CHCHD3: variants seen among roughly 807,000 people sequenced by gnomAD.
CHCHD3 encodes the protein MICOS complex subunit MIC19.
CHCHD3 carries 20 observed loss-of-function variants against 38.2 expected under a neutral mutation model. The ratio of observed to expected loss-of-function variants is 0.52; its 90% CI spans 0.37 to 0.76. CHCHD3 has a LOEUF of 0.76. Among genes scored for constraint, CHCHD3 ranks in the 30% least tolerant of loss-of-function variants. The pLI, the probability that CHCHD3 is intolerant of heterozygous loss-of-function variation, is 0.00. For synonymous variants in CHCHD3, 82 were observed against 100.0 expected (o/e 0.82, Z 1.07); for missense variants, 245 against 279.2 (o/e 0.88, Z 0.87).
chr7:132,835,487 G>A (rs986466434), intron 6 of CHCHD3, among the ~76,000 whole-genome samples: 1 of 152,130 alleles, frequency 6.6e-6, no homozygotes, highest in Non-Finnish European at 1.5e-5. Flanking sequence ...AACTTACAGG[G>A]CCCTGCTGAC....
chr7:132,925,979 T>C (rs1399408466), intron 4 of CHCHD3, among the ~76,000 whole-genome samples: 1 of 152,162 alleles, frequency 6.6e-6, no homozygotes, highest in East Asian at 1.9e-4. Flanking sequence ...AAGCTGCACT[T>C]AGAAAAATGG....
intron 2 of CHCHD3, chr7:133,034,592 G>C: frequency 6.7e-7 from 1 of 1,481,964 alleles, no homozygotes; most frequent in African/African-American, 1.5e-5. Flanking sequence ...GCAGCTAGGT[G>C]ATGGCAAGAG....
At chr7:132,885,832 G>A in intron 4 of CHCHD3, 87 bp from the exon 5 acceptor site, 1 of 935,144 alleles carries the variant, frequency 1.1e-6, no homozygotes, top group Non-Finnish European at 1.6e-6. Context: ...TTAGAAATAA[G>A]AATACAAATC....
At chr7:132,838,945 C>A (rs1450897038) in intron 5 of CHCHD3, among the ~76,000 whole-genome samples, 1 of 152,040 alleles carries the variant, frequency 6.6e-6, no homozygotes, top group African/African-American at 2.4e-5. Context: ...AATCCCAGCA[C>A]TTTGGGAGGC....
intron 5 of CHCHD3, among the ~76,000 whole-genome samples, chr7:132,840,424 C>T (rs1807911506): frequency 1.3e-5 from 2 of 152,160 alleles, no homozygotes; most frequent in South Asian, 4.1e-4. Flanking sequence ...TTAATTAATA[C>T]TTTTGCTTAG....
intron 3 of CHCHD3, among the ~76,000 whole-genome samples, chr7:132,977,859 T>C (rs557420688): frequency 6.6e-6 from 1 of 152,244 alleles, no homozygotes; most frequent in South Asian, 2.1e-4. Context: ...CTTTAAGAAA[T>C]ACAGGATCAT....
intron 4 of CHCHD3, among the ~76,000 whole-genome samples, chr7:132,963,449 G>T (rs1192910370): frequency 6.7e-6 from 1 of 149,456 alleles, no homozygotes; most frequent in Non-Finnish European, 1.5e-5. Context: ...GGCTAACACG[G>T]TGAAACTCCG....
intron 4 of CHCHD3, among the ~76,000 whole-genome samples, chr7:132,956,610 C>T (rs1459518040): frequency 1.3e-5 from 2 of 152,210 alleles, no homozygotes; most frequent in Non-Finnish European, 2.9e-5. Context: ...CAATGATCAT[C>T]ATTCTCTGTA....
chr7:132,831,163 C>T (rs1439106654), intron 6 of CHCHD3, among the ~76,000 whole-genome samples: 2 of 152,146 alleles, frequency 1.3e-5, no homozygotes, highest in African/African-American at 4.8e-5. Context: ...TACAATAACT[C>T]TAGTTATAAT....
chr7:132,922,117 T>G (rs1442754402), intron 4 of CHCHD3, among the ~76,000 whole-genome samples: 1 of 152,042 alleles, frequency 6.6e-6, no homozygotes, highest in Non-Finnish European at 1.5e-5. Flanking sequence ...GGAAAAAAAC[T>G]GTTCCCAGCT....
chr7:133,048,241 A>T (rs1015549978), intron 2 of CHCHD3, among the ~76,000 whole-genome samples: 5 of 152,216 alleles, frequency 3.3e-5, no homozygotes, highest in Admixed American at 1.3e-4. Context: ...AGCGTAGTTT[A>T]TATCTGCTTA....
intron 4 of CHCHD3, among the ~76,000 whole-genome samples, chr7:132,926,342 A>T (rs1810376488): frequency 6.6e-6 from 1 of 152,176 alleles, no homozygotes; most frequent in African/African-American, 2.4e-5. Context: ...GAGAAAGAGA[A>T]CACCAGTTTC....
intron 4 of CHCHD3, among the ~76,000 whole-genome samples, chr7:132,944,085 T>C (rs990051573): frequency 2.0e-5 from 3 of 152,082 alleles, no homozygotes; most frequent in Non-Finnish European, 2.9e-5. Flanking sequence ...AAACAGCAAA[T>C]TTGCTTTTAG....
intron 5 of CHCHD3, among the ~76,000 whole-genome samples, chr7:132,842,462 T>TA (rs1263495785): frequency 6.6e-6 from 1 of 152,244 alleles, no homozygotes; most frequent in African/African-American, 2.4e-5. Flanking sequence ...TTAACAATGT[T>TA]ACAATAGTAG....
At chr7:132,835,069 C>T (rs1024612958) in intron 6 of CHCHD3, among the ~76,000 whole-genome samples, 5 of 151,616 alleles carry the variant, frequency 3.3e-5, no homozygotes, top group Non-Finnish European at 5.9e-5. Context: ...CTCCTAGGCT[C>T]AGGTGATCCT....
At position 133,035,382 on chromosome 7, in the gene CHCHD3, A is replaced by T. The variant is rs932747646; in HGVS notation, c.170-10755T>A. 1 of 1,613,324 alleles carries T rather than the reference A, an allele frequency of 6.2e-7. No homozygotes were observed. The highest frequency in any genetic ancestry group is 1.1e-5 in the South Asian group (1 of 91,062). On this transcript the variant is annotated intron_variant, in intron 2 of 7. Transcript: ENST00000262570. The surrounding 1 kb of genome is among the most constrained non-coding windows in gnomAD (Gnocchi z 4.7). ...GTTGGTATTGCGAAAGGCCCGGCGG[A>T]AAGAAGGCTCTAGAACCTGCTTATA...
chr7:133,042,542 G>A (rs936073845), intron 2 of CHCHD3, among the ~76,000 whole-genome samples: 3 of 152,158 alleles, frequency 2.0e-5, no homozygotes, highest in Non-Finnish European at 4.4e-5. Flanking sequence ...TGACACAGGG[G>A]ACCAGGCAAG....
intron 4 of CHCHD3, among the ~76,000 whole-genome samples, chr7:132,916,478 T>C: frequency 7.4e-6 from 1 of 135,806 alleles, no homozygotes; most frequent in East Asian, 2.0e-4. Context: ...GTGAGTACTG[T>C]ACAATAAGAT....
chr7:132,871,150 T>C (rs1808758767), intron 5 of CHCHD3, among the ~76,000 whole-genome samples: 1 of 152,236 alleles, frequency 6.6e-6, no homozygotes, highest in African/African-American at 2.4e-5. Context: ...TACTCTTAAA[T>C]AGCTAGAGTC....
Sources: allele counts gnomAD v4.1 joint callset (sites outside exome capture counted in the v4.1 genomes callset), GRCh38; gene constraint gnomAD v4.1.1; non-coding constraint Gnocchi (gnomAD v3.1); transcripts MANE v1.5; gene names NCBI Gene and HGNC (gene_info 2026-07-23, HGNC 2026-07-21).